KCNIP4: variants seen among roughly 807,000 people sequenced by gnomAD.
KCNIP4 encodes potassium voltage-gated channel interacting protein 4, also known as Kv channel-interacting protein 4.
Under a neutral mutation model 34.0 loss-of-function variants are expected in KCNIP4, and 12 were observed. That is an observed-to-expected ratio of 0.35 (90% CI 0.23 to 0.57). The LOEUF is 0.57. Ranked by LOEUF, KCNIP4 falls within the 20% of genes least tolerant of loss-of-function variation. The pLI is 0.83. For synonymous variants in KCNIP4, 124 were observed against 102.2 expected, an observed-to-expected ratio of 1.21 and a Z score of -1.29; for missense variants, 238 against 311.7, an observed-to-expected ratio of 0.76 and a Z score of 1.78.
At chr4:21,370,448 A>C (rs1720227803) in intron 1 of KCNIP4, among the ~76,000 whole-genome samples, 1 of 146,278 alleles carries the variant, frequency 6.8e-6, no homozygotes, top group Non-Finnish European at 1.5e-5. Flanking sequence ...GGAGGGAGAC[A>C]CCCAAAGTAA....
At chr4:21,886,955 A>C (rs1325674796) in intron 1 of KCNIP4, among the ~76,000 whole-genome samples, 2 of 152,144 alleles carry the variant, frequency 1.3e-5, no homozygotes, top group Non-Finnish European at 2.9e-5. Flanking sequence ...GGATGAAATC[A>C]AACAGTCAGG....
chr4:21,639,079 T>A (rs957492690), intron 1 of KCNIP4, among the ~76,000 whole-genome samples: 1 of 152,196 alleles, frequency 6.6e-6, no homozygotes, highest in Non-Finnish European at 1.5e-5. Context: ...AATTTAGATG[T>A]GAATTTTAAG....
intron 1 of KCNIP4, among the ~76,000 whole-genome samples, chr4:21,653,328 T>C (rs546407660): frequency 9.9e-5 from 15 of 152,158 alleles, no homozygotes; most frequent in Non-Finnish European, 1.9e-4. Flanking sequence ...CTTTCTTATC[T>C]GCAAAATTGG....
At chr4:21,608,947 T>C (rs961897205) in intron 1 of KCNIP4, 33 of 152,234 alleles carry the variant, frequency 2.2e-4, no homozygotes, top group African/African-American at 7.5e-4. Context: ...AGACTAGAGG[T>C]AGGTGGTGCT....
intron 1 of KCNIP4, among the ~76,000 whole-genome samples, chr4:21,766,527 G>C (rs1236183465): frequency 2.0e-5 from 3 of 152,016 alleles, no homozygotes; most frequent in Non-Finnish European, 4.4e-5. Flanking sequence ...ATCACTGTTG[G>C]CATAAAGCGA....
chr4:21,432,536 A>T (rs1283459957), intron 1 of KCNIP4, among the ~76,000 whole-genome samples: 2 of 152,166 alleles, frequency 1.3e-5, no homozygotes, highest in African/African-American at 4.8e-5. Context: ...AAACAAGGAG[A>T]TACAATCTTG....
intron 1 of KCNIP4, among the ~76,000 whole-genome samples, chr4:21,629,451 G>A (rs1745558580): frequency 6.6e-6 from 1 of 152,128 alleles, no homozygotes; most frequent in South Asian, 2.1e-4. Context: ...AGCTGTAGGC[G>A]CTTTCATGTG....
At chr4:21,748,612 C>T (rs533872293) in intron 1 of KCNIP4, among the ~76,000 whole-genome samples, 1 of 152,018 alleles carries the variant, frequency 6.6e-6, no homozygotes. Context: ...CGAATTTATA[C>T]CCTGTTGTGA....
At chr4:20,956,821 T>C (rs1258296534) in intron 1 of KCNIP4, among the ~76,000 whole-genome samples, 1 of 152,322 alleles carries the variant, frequency 6.6e-6, no homozygotes, top group South Asian at 2.1e-4. Flanking sequence ...CTGGACAGGA[T>C]AGCTTTTAAT....
intron 1 of KCNIP4, among the ~76,000 whole-genome samples, chr4:21,073,418 A>C (rs1032123007): frequency 1.3e-5 from 2 of 152,076 alleles, no homozygotes. Context: ...TTGTGAATGG[A>C]AGTTCACTCA....
In KCNIP4 at chr4:20,990,161, A is replaced by C. The variant is rs1263005925; in HGVS notation, c.62-107452T>G. 9.2e-5 allele frequency among the ~76,000 whole-genome samples: 14 copies of C among 152,274 alleles called. No individual in the cohort carries two copies. In the East Asian group the frequency reaches 2.3e-3, roughly 25 times the overall value. The stretch of plus-strand genomic sequence containing the variant: ...TCACACTGTAAGATTTTCTCACCAA[A>C]ATGATGAAAGTTATCTACCCGCAGG... On this transcript the variant is annotated intron_variant, in intron 1 of 8. Coordinates refer to ENST00000382152, the MANE Select transcript of KCNIP4 (RefSeq NM_025221.6).
At chr4:21,511,099 T>C (rs944676476) in intron 1 of KCNIP4, among the ~76,000 whole-genome samples, 6 of 152,218 alleles carry the variant, frequency 3.9e-5, no homozygotes, top group East Asian at 3.9e-4. Context: ...GTATATAGTA[T>C]GCATTCAGCA....
chr4:20,930,356 G>T (rs191627998), intron 1 of KCNIP4, among the ~76,000 whole-genome samples: 2 of 152,010 alleles, frequency 1.3e-5, no homozygotes, highest in African/African-American at 4.8e-5. Context: ...TACAAAAATG[G>T]ACTCAAAATA....
intron 1 of KCNIP4, among the ~76,000 whole-genome samples, chr4:21,689,035 A>G (rs553872720): frequency 1.6e-4 from 24 of 152,134 alleles, no homozygotes; most frequent in African/African-American, 5.5e-4. Context: ...ACTGCTTCAT[A>G]TTTATTTGCT....
chr4:21,705,760 G>A (rs1713218856), intron 1 of KCNIP4, among the ~76,000 whole-genome samples: 1 of 152,174 alleles, frequency 6.6e-6, no homozygotes, highest in Non-Finnish European at 1.5e-5. Flanking sequence ...TGTGCACATA[G>A]GTGCTTTCTC....
intron 3 of KCNIP4, among the ~76,000 whole-genome samples, chr4:20,764,681 G>GACACACACAC (rs5856578): frequency 0.03 from 4,478 of 147,136 alleles, 160 homozygotes; most frequent in East Asian, 0.17. Context: ...ATGGGAATTG[G>GACACACACAC]ACACACACAC....
intron 1 of KCNIP4, among the ~76,000 whole-genome samples, chr4:21,732,773 C>G (rs1295848639): frequency 6.6e-6 from 1 of 152,182 alleles, no homozygotes; most frequent in Non-Finnish European, 1.5e-5. Flanking sequence ...AAGTGATACT[C>G]TGTCTACTGA....
intron 1 of KCNIP4, among the ~76,000 whole-genome samples, chr4:21,098,814 G>A (rs1747685084): frequency 1.3e-5 from 2 of 151,828 alleles, no homozygotes; most frequent in Admixed American, 1.3e-4. Flanking sequence ...TTAATACAAG[G>A]ACAGACACTT....
chr4:21,361,606 C>T (rs528319889), intron 1 of KCNIP4, among the ~76,000 whole-genome samples: 1 of 151,936 alleles, frequency 6.6e-6, no homozygotes, highest in East Asian at 1.9e-4. Flanking sequence ...GGTTCTCTAG[C>T]TGTGCCTAGA....
Sources: allele counts gnomAD v4.1 joint callset (sites outside exome capture counted in the v4.1 genomes callset), GRCh38; gene constraint gnomAD v4.1.1; transcripts MANE v1.5; gene names NCBI Gene and HGNC (gene_info 2026-07-23, HGNC 2026-07-21).